MTUS1: variants seen among roughly 807,000 people sequenced by gnomAD.
The protein encoded by MTUS1 is microtubule-associated tumor suppressor 1.
In MTUS1, 109 loss-of-function variants were observed where a neutral mutation model predicts 120.8. The observed-to-expected ratio is 0.90, with a 90% CI of 0.77 to 1.06. MTUS1 has a LOEUF of 1.06. MTUS1 is among the 50% of genes least tolerant of loss of function. The pLI is 0.00. For missense variants in MTUS1, 2,210 were observed against 1,486.3 expected, an observed-to-expected ratio of 1.49 and a Z score of -8.01; for synonymous variants, 737 against 550.5, an observed-to-expected ratio of 1.34 and a Z score of -4.74.
At chr8:17,706,560 A>C (rs1820201724) in intron 6 of MTUS1, among the ~76,000 whole-genome samples, 2 of 152,242 alleles carry the variant, frequency 1.3e-5, no homozygotes, top group African/African-American at 2.4e-5. Context: ...AGGTATGATG[A>C]AGCCAGGTGT....
At chr8:17,775,324 AC>A (rs1311701132) in intron 1 of MTUS1, among the ~76,000 whole-genome samples, 11 of 152,252 alleles carry the variant, frequency 7.2e-5, no homozygotes, top group African/African-American at 2.6e-4. Flanking sequence ...TAATGGCTTC[AC>A]CTTTGGATAC....
At chr8:17,746,995 G>C (rs1474111362) in intron 2 of MTUS1, among the ~76,000 whole-genome samples, 1 of 152,200 alleles carries the variant, frequency 6.6e-6, no homozygotes, top group Non-Finnish European at 1.5e-5. Flanking sequence ...TTCTCAGCAA[G>C]ATTACTGAAA....
intron 3 of MTUS1, among the ~76,000 whole-genome samples, chr8:17,735,068 G>A (rs187926168): frequency 6.6e-6 from 1 of 152,246 alleles, no homozygotes; most frequent in East Asian, 1.9e-4. Context: ...ACAGGCGGGA[G>A]CCACTGGGCC....
intron 8 of MTUS1, among the ~76,000 whole-genome samples, chr8:17,656,991 G>A (rs138535429): frequency 0.012 from 1,797 of 148,954 alleles, 35 homozygotes; most frequent in African/African-American, 0.042. Context: ...CCCAGGAGGC[G>A]GAGCTTCCAG....
In MTUS1 at chr8:17,755,365, C is replaced by A; in HGVS notation, c.443G>T (p.Cys148Phe). ...FVWKPNDNLN[C>F]AGYCDALELN... is the part of the protein sequence containing the mutation. ...CTCCAAGGCATCACAGTAGCCTGCA[C>A]AGTTCAAATTGTCATTAGGCTTCCA... Residue 148 changes from cysteine (C) to phenylalanine (F), a missense_variant, in exon 2 of 15, where the codon TGT becomes TTT. Physicochemically the swap from Cys to Phe is radical, Grantham distance 205 (BLOSUM62 -2). Transcript: ENST00000693296. 1.2e-6 allele frequency: 2 copies of A among 1,614,156 alleles called. No homozygotes were observed. Among genetic ancestry groups the A allele is most frequent in the Non-Finnish European group, 1.7e-6 (2 of 1,180,000 alleles).
At chr8:17,699,521 A>T (rs1223364425) in intron 6 of MTUS1, among the ~76,000 whole-genome samples, 1 of 152,162 alleles carries the variant, frequency 6.6e-6, no homozygotes, top group Non-Finnish European at 1.5e-5. Context: ...GCCTTAAATT[A>T]TCCTTGTTAA....
At chr8:17,783,302 G>A (rs897420570) in intron 1 of MTUS1, among the ~76,000 whole-genome samples, 2 of 152,086 alleles carry the variant, frequency 1.3e-5, no homozygotes, top group East Asian at 1.9e-4. Flanking sequence ...TTCTGGAGTT[G>A]GAATTTTCCA....
intron 6 of MTUS1, among the ~76,000 whole-genome samples, chr8:17,708,393 T>C (rs114414377): frequency 0.042 from 6,457 of 152,162 alleles, 160 homozygotes; most frequent in Middle Eastern, 0.065. Flanking sequence ...GAAACAACAA[T>C]GAGGTATCAC....
At chr8:17,663,093 GT>G (rs34820048) in intron 8 of MTUS1, among the ~76,000 whole-genome samples, 92,221 of 151,902 alleles carry the variant, frequency 0.61, 29,305 homozygotes, top group Middle Eastern at 0.81. Flanking sequence ...AATGCTTTAA[GT>G]TTTGCTTTTC....
intron 1 of MTUS1, among the ~76,000 whole-genome samples, chr8:17,798,812 T>C (rs148328520): frequency 0.011 from 1,607 of 152,272 alleles, 30 homozygotes; most frequent in African/African-American, 0.037. Flanking sequence ...ATCTGCAATA[T>C]GAATGGCAAA....
At chr8:17,702,555 C>T (rs1819311828) in intron 6 of MTUS1, among the ~76,000 whole-genome samples, 1 of 152,166 alleles carries the variant, frequency 6.6e-6, no homozygotes, top group African/African-American at 2.4e-5. Context: ...TTCCCATTCC[C>T]TGGCAACCAC....
intron 1 of MTUS1, among the ~76,000 whole-genome samples, chr8:17,763,528 T>G (rs1020893629): frequency 2.6e-5 from 4 of 152,110 alleles, no homozygotes; most frequent in Non-Finnish European, 4.4e-5. Context: ...TTAGTGGATT[T>G]TTGTAAATTT....
chr8:17,652,662 C>A (rs1014458583), intron 12 of MTUS1, among the ~76,000 whole-genome samples: 1 of 151,968 alleles, frequency 6.6e-6, no homozygotes, highest in South Asian at 2.1e-4. Context: ...ATGGTAAAAT[C>A]CCATCTCTAC....
intron 2 of MTUS1, among the ~76,000 whole-genome samples, chr8:17,746,461 T>C (rs962579325): frequency 1.3e-5 from 2 of 152,132 alleles, no homozygotes; most frequent in African/African-American, 4.8e-5. Flanking sequence ...TAGGGAGGCT[T>C]CACAATCATG....
chr8:17,689,502 G>T (rs1563207169), intron 6 of MTUS1, among the ~76,000 whole-genome samples: 1 of 152,138 alleles, frequency 6.6e-6, no homozygotes, highest in Admixed American at 6.5e-5. Context: ...GTCCAAACTT[G>T]CCCTAAACTA....
At chr8:17,795,103 T>C (rs2052114780) in intron 1 of MTUS1, among the ~76,000 whole-genome samples, 1 of 152,234 alleles carries the variant, frequency 6.6e-6, no homozygotes, top group Admixed American at 6.5e-5. Flanking sequence ...TATGTGTAAA[T>C]AACACCTGAG....
At chr8:17,705,249 G>T (rs575756649) in intron 6 of MTUS1, among the ~76,000 whole-genome samples, 1 of 152,290 alleles carries the variant, frequency 6.6e-6, no homozygotes, top group South Asian at 2.1e-4. Flanking sequence ...CCCCCAAAGT[G>T]TTGGGATTAC....
At chr8:17,722,263 G>A (rs1028390029) in intron 4 of MTUS1, 143 of 903,964 alleles carry the variant, frequency 1.6e-4, no homozygotes, top group Admixed American at 2.6e-4. Context: ...TGGAAAACAC[G>A]GGGCTGTGGC....
chr8:17,747,118 C>T (rs1382244797), intron 2 of MTUS1, among the ~76,000 whole-genome samples: 2 of 152,186 alleles, frequency 1.3e-5, no homozygotes, highest in African/African-American at 4.8e-5. Flanking sequence ...GTCTGTCTTC[C>T]AGATAACATC....
Sources: gnomAD v4.1 joint callset for allele counts (sites outside exome capture counted in the v4.1 genomes callset) on GRCh38, gnomAD v4.1.1 for gene constraint, MANE v1.5 for transcripts, NCBI Gene and HGNC (gene_info 2026-07-23, HGNC 2026-07-21) for gene names.